The following MAP7 variants were observed in gnomAD, a reference collection of about 807,000 sequenced individuals.
MAP7 encodes the protein ensconsin.
Under a neutral mutation model 94.8 loss-of-function variants are expected in MAP7, and 52 were observed. That is an observed-to-expected ratio of 0.55 (90% confidence interval 0.44 to 0.69). MAP7 has a LOEUF of 0.69. Ranked by LOEUF, MAP7 falls within the 30% of genes least tolerant of loss-of-function variation. MAP7 has a pLI of 0.00. For missense variants in MAP7, 940 were observed against 964.6 expected (o/e 0.97, Z 0.34); for synonymous variants, 350 against 357.0 (o/e 0.98, Z 0.22).
At chr6:136,365,482 G>C (rs768869334) in intron 10 of MAP7, among the ~76,000 whole-genome samples, 1 of 152,164 alleles carries the variant, frequency 6.6e-6, no homozygotes, top group Non-Finnish European at 1.5e-5. Flanking sequence ...GGCTACGCCA[G>C]GGGTCCTTAA....
intron 6 of MAP7, among the ~76,000 whole-genome samples, chr6:136,382,033 G>A (rs1387370729): frequency 6.6e-6 from 1 of 152,040 alleles, no homozygotes; most frequent in African/African-American, 2.4e-5. Flanking sequence ...TCACCCTTCT[G>A]CAATAATTAG....
intron 1 of MAP7, among the ~76,000 whole-genome samples, chr6:136,467,837 A>G (rs1438026037): frequency 6.6e-6 from 1 of 152,196 alleles, no homozygotes; most frequent in Non-Finnish European, 1.5e-5. Context: ...CAATGTGAAA[A>G]GGAAAACACA....
At chr6:136,433,252 C>A (rs1795468306) in intron 1 of MAP7, among the ~76,000 whole-genome samples, 1 of 152,274 alleles carries the variant, frequency 6.6e-6, no homozygotes, top group Non-Finnish European at 1.5e-5. Flanking sequence ...CAAGTTCTTT[C>A]TTTAACTGCA....
At chr6:136,505,818 T>C (rs1285380824) in intron 1 of MAP7, among the ~76,000 whole-genome samples, 2 of 152,174 alleles carry the variant, frequency 1.3e-5, no homozygotes, top group Admixed American at 6.5e-5. Flanking sequence ...TAGGACTTAT[T>C]ACTGGCAAGT....
rs1792116008 is a variant in MAP7, at chr6:136,360,090, A to G, written c.1804-59T>C. 4 of 1,247,392 alleles carry G rather than the reference A, an allele frequency of 3.2e-6. No homozygotes were observed. The East Asian group carries it at 9.3e-5, about 29-fold the overall frequency. The allele number at this position is 1,247,392 out of a possible 1,614,324, so 77.3% of individuals were successfully genotyped here. A position where few individuals can be genotyped will look rare whatever the true frequency, so the allele number is the denominator to read the frequency against. On this transcript the variant is annotated intron_variant, in intron 13 of 17. Transcript: ENST00000354570. The stretch of plus-strand genomic sequence containing the variant: ...GACACAGAAAAAAAGCCAGCCTGGC[A>G]TATTTAACTGATGAAATAGATTATT...
chr6:136,399,338 A>AT (rs1267473547), intron 3 of MAP7, among the ~76,000 whole-genome samples: 6 of 151,912 alleles, frequency 3.9e-5, no homozygotes, highest in Admixed American at 2.0e-4. Flanking sequence ...TTACAATTAG[A>AT]TTCCTTTTCT....
At chr6:136,524,487 G>A (rs776840552) in intron 1 of MAP7, among the ~76,000 whole-genome samples, 1 of 152,172 alleles carries the variant, frequency 6.6e-6, no homozygotes, top group Non-Finnish European at 1.5e-5. Flanking sequence ...GTTCAATGAT[G>A]TAATTCACAG....
intron 3 of MAP7, among the ~76,000 whole-genome samples, chr6:136,393,030 A>G (rs1781225264): frequency 6.6e-6 from 1 of 152,232 alleles, no homozygotes; most frequent in Non-Finnish European, 1.5e-5. Flanking sequence ...GAGTTAATTC[A>G]CAAATCAATT....
chr6:136,424,765 T>A (rs956762049), intron 1 of MAP7, among the ~76,000 whole-genome samples: 1 of 152,248 alleles, frequency 6.6e-6, no homozygotes, highest in Non-Finnish European at 1.5e-5. Context: ...AAATGACCTG[T>A]CAATTTAGTC....
intron 1 of MAP7, among the ~76,000 whole-genome samples, chr6:136,457,679 A>T (rs1490582022): frequency 6.6e-6 from 1 of 152,208 alleles, no homozygotes; most frequent in Admixed American, 6.5e-5. Flanking sequence ...ACACCATAGT[A>T]ACAGAATGAA....
At chr6:136,445,904 C>G (rs1166276332) in intron 1 of MAP7, among the ~76,000 whole-genome samples, 1 of 152,216 alleles carries the variant, frequency 6.6e-6, no homozygotes, top group African/African-American at 2.4e-5. Context: ...ACAATCAACA[C>G]ACAACACTTA....
intron 1 of MAP7, among the ~76,000 whole-genome samples, chr6:136,484,838 G>A (rs991892872): frequency 5.9e-5 from 9 of 152,102 alleles, no homozygotes; most frequent in African/African-American, 1.9e-4. Context: ...TAGGATTACA[G>A]ACAAGTACCA....
chr6:136,432,091 A>G (rs149837187), intron 1 of MAP7, among the ~76,000 whole-genome samples: 1 of 152,318 alleles, frequency 6.6e-6, no homozygotes, highest in Non-Finnish European at 1.5e-5. Context: ...GACATCTTTA[A>G]GTTGCTGGTC....
chr6:136,461,845 A>T (rs1163981192), intron 1 of MAP7, among the ~76,000 whole-genome samples: 2 of 152,146 alleles, frequency 1.3e-5, no homozygotes, highest in African/African-American at 4.8e-5. Flanking sequence ...TGGTGAACAA[A>T]CTGCCTTGGG....
At position 136,514,580 on chromosome 6, in the gene MAP7, C is replaced by CAAAAAA. The variant is rs1046225937; in HGVS notation, c.67+35756_67+35761dup. On this transcript the variant is annotated intron_variant, in intron 1 of 17. Transcript: ENST00000354570. ...TGGGTGACAGAGCAAGACTCTGTCT[C>CAAAAAA]AAAAAAAAAAAAAAAAAAAAAAAAA... Among the ~76,000 whole-genome samples the CAAAAAA allele has an allele frequency of 1.2e-4, 6 of 49,050 alleles. 1 individual carries two copies. The highest frequency in any genetic ancestry group is 1.9e-4 in the African/African-American group (3 of 15,466). The allele number at this position is 49,050 out of a possible 152,430, so 32.2% of individuals were successfully genotyped here. A position where few individuals can be genotyped will look rare whatever the true frequency, so the allele number is the denominator to read the frequency against.
At chr6:136,535,990 T>A (rs1209653138) in intron 1 of MAP7, among the ~76,000 whole-genome samples, 1 of 151,236 alleles carries the variant, frequency 6.6e-6, no homozygotes, top group Non-Finnish European at 1.5e-5. Flanking sequence ...AGTGAGAACA[T>A]GCGGTGTTTG....
At chr6:136,532,613 T>A (rs1470866018) in intron 1 of MAP7, among the ~76,000 whole-genome samples, 1 of 146,568 alleles carries the variant, frequency 6.8e-6, no homozygotes, top group Admixed American at 6.7e-5. Flanking sequence ...ATGCACTGTT[T>A]ACAGGTTGAA....
chr6:136,369,399 C>A (rs557308933), intron 8 of MAP7, among the ~76,000 whole-genome samples: 2 of 152,198 alleles, frequency 1.3e-5, no homozygotes, highest in South Asian at 2.1e-4. Context: ...CATGGCGAAA[C>A]CCTCTCTCTA....
intron 1 of MAP7, among the ~76,000 whole-genome samples, chr6:136,490,775 G>A (rs961324825): frequency 6.6e-6 from 1 of 152,150 alleles, no homozygotes; most frequent in Non-Finnish European, 1.5e-5. Context: ...TGGAAGATGA[G>A]CCAAGCTCGG....
Sources: gnomAD v4.1 joint callset for allele counts (sites outside exome capture counted in the v4.1 genomes callset) on GRCh38, gnomAD v4.1.1 for gene constraint, MANE v1.5 for transcripts, NCBI Gene and HGNC (gene_info 2026-07-23, HGNC 2026-07-21) for gene names.